The following KCNIP4 variants were observed in gnomAD, a reference collection of about 807,000 sequenced individuals.
KCNIP4 encodes the protein potassium voltage-gated channel interacting protein 4.
KCNIP4 carries 12 observed loss-of-function variants against 34.0 expected under a neutral mutation model. That is an observed-to-expected ratio of 0.35 (90% CI 0.23 to 0.57). KCNIP4 has a LOEUF of 0.57. Ranked by LOEUF, KCNIP4 falls within the 20% of genes least tolerant of loss-of-function variation. The pLI is 0.83. For missense variants in KCNIP4, 238 were observed against 311.7 expected (o/e 0.76, Z 1.78); for synonymous variants, 124 against 102.2 (o/e 1.21, Z -1.29).
At chr4:21,015,367 C>A (rs1002873113) in intron 1 of KCNIP4, among the ~76,000 whole-genome samples, 3 of 138,146 alleles carry the variant, frequency 2.2e-5, no homozygotes, top group African/African-American at 8.0e-5. Context: ...CTATTTTTTT[C>A]TTCTCACAAT....
chr4:21,066,933 T>C (rs1744451618), intron 1 of KCNIP4, among the ~76,000 whole-genome samples: 1 of 152,104 alleles, frequency 6.6e-6, no homozygotes, highest in African/African-American at 2.4e-5. Flanking sequence ...GCATGAGGGA[T>C]GCTTGCACCA....
At chr4:21,356,662 A>G (rs1718638403) in intron 1 of KCNIP4, among the ~76,000 whole-genome samples, 1 of 152,192 alleles carries the variant, frequency 6.6e-6, no homozygotes. Context: ...CAATGAAATA[A>G]AAGAGGACAC....
chr4:21,683,217 A>G (rs1750523290), intron 1 of KCNIP4, among the ~76,000 whole-genome samples: 1 of 152,282 alleles, frequency 6.6e-6, no homozygotes, highest in Non-Finnish European at 1.5e-5. Context: ...CATATTAAAG[A>G]CACAACAGAC....
intron 1 of KCNIP4, among the ~76,000 whole-genome samples, chr4:21,689,062 A>G (rs897285211): frequency 1.1e-4 from 16 of 152,082 alleles, no homozygotes; most frequent in African/African-American, 3.6e-4. Context: ...GCAGGTTGAC[A>G]GGGCAACTGG....
intron 1 of KCNIP4, among the ~76,000 whole-genome samples, chr4:20,936,997 G>T (rs984191532): frequency 3.3e-5 from 5 of 151,952 alleles, no homozygotes; most frequent in Admixed American, 6.6e-5. Flanking sequence ...GGAAAAAAGC[G>T]TAACGTTCTT....
At chr4:21,414,555 C>A (rs1724782292) in intron 1 of KCNIP4, among the ~76,000 whole-genome samples, 1 of 152,058 alleles carries the variant, frequency 6.6e-6, no homozygotes, top group Non-Finnish European at 1.5e-5. Context: ...ACTAGAACTA[C>A]CATATGATAC....
At chr4:21,609,497 C>A (rs1743984981) in intron 1 of KCNIP4, among the ~76,000 whole-genome samples, 1 of 152,100 alleles carries the variant, frequency 6.6e-6, no homozygotes, top group African/African-American at 2.4e-5. Context: ...TATTTTTAAT[C>A]AAAGATCTGA....
chr4:21,578,545 G>T (rs1740940690), intron 1 of KCNIP4, among the ~76,000 whole-genome samples: 1 of 151,954 alleles, frequency 6.6e-6, no homozygotes, highest in Non-Finnish European at 1.5e-5. Context: ...GACTAAGTAA[G>T]AAATTTTAAA....
At chr4:21,341,976 T>A (rs1716804608) in intron 1 of KCNIP4, among the ~76,000 whole-genome samples, 2 of 152,180 alleles carry the variant, frequency 1.3e-5, no homozygotes, top group African/African-American at 4.8e-5. Flanking sequence ...ATTAATCACA[T>A]TCTTTTCTTT....
At chr4:20,905,062 G>T (rs1727589085) in intron 1 of KCNIP4, among the ~76,000 whole-genome samples, 1 of 152,162 alleles carries the variant, frequency 6.6e-6, no homozygotes, top group Non-Finnish European at 1.5e-5. Flanking sequence ...TTGCTGAAAT[G>T]ACATTTTGCA....
rs180875160 is a variant in KCNIP4, at chr4:21,200,804, A to T, written c.62-318095T>A. ...AAGCTACTGAAATAAAAAAAATAAA[A>T]ATTTTTTTTTTTAAAAAAAGCATCG... On this transcript the variant is annotated intron_variant, in intron 1 of 8. Transcript: ENST00000382152. Among the ~76,000 whole-genome samples the T allele has an allele frequency of 8.3e-3, 1,261 of 151,406 alleles. 11 individuals carry two copies. Among genetic ancestry groups the T allele is most frequent in the South Asian group, 0.021 (101 of 4,772 alleles).
intron 1 of KCNIP4, among the ~76,000 whole-genome samples, chr4:21,077,426 T>G (rs984938042): frequency 6.6e-6 from 1 of 152,166 alleles, no homozygotes; most frequent in Non-Finnish European, 1.5e-5. Flanking sequence ...TAAAAATGGC[T>G]TATTATAATG....
At chr4:21,322,977 A>G (rs137894704) in intron 1 of KCNIP4, among the ~76,000 whole-genome samples, 1,710 of 152,094 alleles carry the variant, frequency 0.011, 25 homozygotes, top group South Asian at 0.048. Flanking sequence ...ATAATTGATA[A>G]TTGTGCAGAA....
chr4:21,289,423 A>G (rs977814700), intron 1 of KCNIP4, among the ~76,000 whole-genome samples: 5 of 152,180 alleles, frequency 3.3e-5, no homozygotes, highest in African/African-American at 1.2e-4. Context: ...GTACTCATTA[A>G]CTATCCCATA....
intron 5 of KCNIP4, among the ~76,000 whole-genome samples, chr4:20,736,551 T>A (rs765086567): frequency 2.0e-5 from 3 of 152,340 alleles, no homozygotes; most frequent in Non-Finnish European, 2.9e-5. Flanking sequence ...GAATTAATTT[T>A]ACCTTTTTTT....
intron 2 of KCNIP4, among the ~76,000 whole-genome samples, chr4:20,868,053 C>A (rs1008508425): frequency 1.3e-5 from 2 of 151,868 alleles, no homozygotes; most frequent in Admixed American, 1.3e-4. Flanking sequence ...ACAAAGCCAA[C>A]AGGTAACCTA....
At chr4:21,503,187 A>G (rs1350153272) in intron 1 of KCNIP4, among the ~76,000 whole-genome samples, 6 of 152,148 alleles carry the variant, frequency 3.9e-5, no homozygotes, top group Non-Finnish European at 8.8e-5. Context: ...ACTGAGCTAT[A>G]ATTTTACACC....
At chr4:20,979,399 CTTT>C (rs762394597) in intron 1 of KCNIP4, among the ~76,000 whole-genome samples, 4 of 133,308 alleles carry the variant, frequency 3.0e-5, no homozygotes, top group Non-Finnish European at 6.4e-5. Context: ...CACTTTCTTT[CTTT>C]TTTTTTTTTT....
intron 1 of KCNIP4, among the ~76,000 whole-genome samples, chr4:21,195,202 C>A (rs1390893533): frequency 1.3e-5 from 2 of 152,202 alleles, no homozygotes; most frequent in Non-Finnish European, 2.9e-5. Flanking sequence ...GAGCTGTGGG[C>A]ATCACCCAGG....
Sources: allele counts gnomAD v4.1 joint callset (sites outside exome capture counted in the v4.1 genomes callset), GRCh38; gene constraint gnomAD v4.1.1; transcripts MANE v1.5; gene names NCBI Gene and HGNC (gene_info 2026-07-23, HGNC 2026-07-21).